Variants in PTPRD observed in about 807,000 individuals in gnomAD.
PTPRD encodes the protein receptor-type tyrosine-protein phosphatase delta.
Under a neutral mutation model 214.5 loss-of-function variants are expected in PTPRD, and 34 were observed. That is an observed-to-expected ratio of 0.16 (90% CI 0.12 to 0.21). The LOEUF (loss-of-function observed/expected upper bound fraction) is 0.21. PTPRD is among the 10% of genes least tolerant of loss of function. The pLI is 1.00. For missense variants in PTPRD, 2,545 were observed against 2,398.7 expected, an observed-to-expected ratio of 1.06 and a Z score of -1.27; for synonymous variants, 1,128 against 845.7, an observed-to-expected ratio of 1.33 and a Z score of -5.79.
At chr9:9,217,071 G>A (rs1057278050) in intron 9 of PTPRD, among the ~76,000 whole-genome samples, 1 of 152,028 alleles carries the variant, frequency 6.6e-6, no homozygotes, top group Non-Finnish European at 1.5e-5. Context: ...CTTAAGACTA[G>A]TCAGACAACT....
chr9:10,225,456 G>A (rs1326519643), intron 3 of PTPRD, among the ~76,000 whole-genome samples: 1 of 152,034 alleles, frequency 6.6e-6, no homozygotes, highest in Non-Finnish European at 1.5e-5. Flanking sequence ...GTTAGCTCGT[G>A]TTTTTAATGT....
intron 4 of PTPRD, among the ~76,000 whole-genome samples, chr9:9,976,510 C>A (rs1426576181): frequency 6.6e-6 from 1 of 151,230 alleles, no homozygotes; most frequent in Non-Finnish European, 1.5e-5. Context: ...CCTTAGCCTC[C>A]CAAGTAGCTG....
chr9:8,482,284 T>C (rs1591638823), intron 30 of PTPRD, among the ~76,000 whole-genome samples: 1 of 69,630 alleles, frequency 1.4e-5, no homozygotes, highest in African/African-American at 6.8e-5. Flanking sequence ...CAGCTACCAA[T>C]AATGTATGCT....
At chr9:8,839,136 TAG>T (rs1430013818) in intron 11 of PTPRD, among the ~76,000 whole-genome samples, 1 of 151,974 alleles carries the variant, frequency 6.6e-6, no homozygotes, top group African/African-American at 2.4e-5. Flanking sequence ...AAAGGAAATA[TAG>T]AGATTTAATT....
At chr9:9,281,739 AC>A (rs1947766605) in intron 9 of PTPRD, among the ~76,000 whole-genome samples, 1 of 150,998 alleles carries the variant, frequency 6.6e-6, no homozygotes, top group Non-Finnish European at 1.5e-5. Flanking sequence ...TCACAATCAC[AC>A]TCCTTTGTAT....
chr9:8,335,882 C>G (rs745616857), intron 43 of PTPRD, among the ~76,000 whole-genome samples: 1 of 152,100 alleles, frequency 6.6e-6, no homozygotes, highest in Non-Finnish European at 1.5e-5. Context: ...TTCACAATTG[C>G]TTCAAAGAGA....
intron 9 of PTPRD, among the ~76,000 whole-genome samples, chr9:9,394,583 T>C (rs776941977): frequency 6.6e-6 from 1 of 152,170 alleles, no homozygotes; most frequent in Non-Finnish European, 1.5e-5. Context: ...ATAGCACATA[T>C]TATCTAGGAT....
chr9:9,659,378 AG>A (rs2096580146), intron 7 of PTPRD, among the ~76,000 whole-genome samples: 1 of 152,096 alleles, frequency 6.6e-6, no homozygotes, highest in Non-Finnish European at 1.5e-5. Flanking sequence ...ATGTTTTCAA[AG>A]TAAAATTATG....
chr9:8,738,956 G>C (rs964648873), intron 11 of PTPRD, among the ~76,000 whole-genome samples: 1 of 152,300 alleles, frequency 6.6e-6, no homozygotes, highest in African/African-American at 2.4e-5. Flanking sequence ...TTGGGGGATG[G>C]TATGGGAAGG....
chr9:8,499,717 T>A lies in PTPRD; in HGVS notation c.2252A>T (p.Tyr751Phe), dbSNP rs199632354. The part of the protein sequence containing the change: ...HGQIRGYQVH[Y>F]VRMENGEPKG... ...GGGCTCACCATTTTCCATCCTCACA[T>A]AATGCACCTGATATCCTCTTATCTG... Residue 751 changes from tyrosine to phenylalanine, a missense_variant, in exon 25 of 46, where the codon TAT becomes TTT. Physicochemically the swap from Tyr to Phe is conservative, Grantham distance 22. Coordinates refer to ENST00000381196, the MANE Select transcript of PTPRD (RefSeq NM_002839.4). 1.5e-4 allele frequency: 237 copies of A among 1,614,016 alleles called. 1 individual carries two copies. Among genetic ancestry groups the A allele is most frequent in the Middle Eastern group, 9.9e-4 (6 of 6,084 alleles).
At chr9:9,679,042 T>C (rs1280396202) in intron 7 of PTPRD, among the ~76,000 whole-genome samples, 2 of 148,078 alleles carry the variant, frequency 1.4e-5, no homozygotes, top group African/African-American at 2.5e-5. Flanking sequence ...TATATAGAAA[T>C]TGTCTTTAAA....
chr9:8,581,897 A>T (rs1345810806), intron 14 of PTPRD, among the ~76,000 whole-genome samples: 1 of 128,600 alleles, frequency 7.8e-6, no homozygotes, highest in Non-Finnish European at 1.6e-5. Flanking sequence ...TGGATGACAG[A>T]GCATGACTCA....
At chr9:10,280,360 C>CCACACACA (rs61249776) in intron 3 of PTPRD, among the ~76,000 whole-genome samples, 102 of 144,818 alleles carry the variant, frequency 7.0e-4, no homozygotes, top group African/African-American at 2.5e-3. Context: ...TACATAAACA[C>CCACACACA]CACACACACA....
intron 2 of PTPRD, among the ~76,000 whole-genome samples, chr9:10,389,383 TAC>T (rs1565721408): frequency 6.6e-6 from 1 of 151,820 alleles, no homozygotes; most frequent in Non-Finnish European, 1.5e-5. Flanking sequence ...AATATAACAT[TAC>T]AAACTATTTT....
chr9:8,932,933 G>A (rs1462579043), intron 11 of PTPRD, among the ~76,000 whole-genome samples: 1 of 152,110 alleles, frequency 6.6e-6, no homozygotes, highest in Non-Finnish European at 1.5e-5. Flanking sequence ...AACTCCTGCA[G>A]CTAGCTTGGT....
chr9:9,510,399 T>C (rs1049428452), intron 8 of PTPRD, among the ~76,000 whole-genome samples: 1 of 151,730 alleles, frequency 6.6e-6, no homozygotes, highest in African/African-American at 2.4e-5. Context: ...TAGGCAATCA[T>C]TAAATGCATG....
At chr9:8,739,158 G>C (rs1283457381) in intron 11 of PTPRD, among the ~76,000 whole-genome samples, 3 of 152,178 alleles carry the variant, frequency 2.0e-5, no homozygotes, top group Non-Finnish European at 1.5e-5. Flanking sequence ...GAGGGGCCTG[G>C]AGCCTACAGC....
chr9:9,953,613 G>C (rs557384719), intron 4 of PTPRD, among the ~76,000 whole-genome samples: 8 of 152,042 alleles, frequency 5.3e-5, no homozygotes, highest in African/African-American at 1.9e-4. Context: ...CGTCATGTAG[G>C]ATCTGGTATT....
chr9:8,421,818 A>T (rs2094383738), intron 35 of PTPRD, among the ~76,000 whole-genome samples: 1 of 151,862 alleles, frequency 6.6e-6, no homozygotes, highest in African/African-American at 2.4e-5. Context: ...CTTAATATTT[A>T]AATATAAAGT....
Sources: allele counts gnomAD v4.1 joint callset (sites outside exome capture counted in the v4.1 genomes callset), GRCh38; gene constraint gnomAD v4.1.1; transcripts MANE v1.5; gene names NCBI Gene and HGNC (gene_info 2026-07-23, HGNC 2026-07-21).